The following NFATC2 variants were observed in gnomAD, a reference collection of about 807,000 sequenced individuals.
NFATC2 encodes the protein nuclear factor of activated T-cells, cytoplasmic 2.
A neutral mutation model predicts 87.3 loss-of-function variants in NFATC2; 22 were observed. That is an observed-to-expected ratio of 0.25 (90% CI 0.18 to 0.36). The LOEUF (loss-of-function observed/expected upper bound fraction) is 0.36. Among genes scored for constraint, NFATC2 ranks in the 10% least tolerant of loss-of-function variants. The probability of loss-of-function intolerance (pLI) is 1.00; values close to 1 mark genes in which losing one functional copy is unlikely to be tolerated. For synonymous variants in NFATC2, 565 were observed against 542.2 expected (o/e 1.04, Z -0.58); for missense variants, 1,149 against 1,259.1 (o/e 0.91, Z 1.32).
rs1193459272 is a variant in NFATC2, at chr20:51,523,529, C to A, written c.712G>T (p.Val238Leu). 1 of 1,613,496 alleles carries A rather than the reference C, an allele frequency of 6.2e-7. No homozygotes were observed. The highest frequency in any genetic ancestry group is 8.5e-7 in the Non-Finnish European group (1 of 1,179,704). Residue 238 changes from valine to leucine, a missense_variant, in exon 2 of 11, where the codon GTG (valine) becomes TTG (leucine). Val to Leu is a conservative substitution (Grantham distance 32). Around this residue, in one of 3 missense-constraint regions of NFATC2, gnomAD observed 563 missense variants for 585.2 expected, o/e 0.96. Transcript: ENST00000371564. This position sits in a 1 kb window ranked among gnomAD's most constrained non-coding sequence, Gnocchi z 6.9. ...EDSCLGRHSP[V>L]PRPASRSSSP... ...GAGGAGCGGGAGGCCGGACGGGGCA[C>A]GGGCGAGTGGCGGCCCAGGCAGCTG...
chr20:51,426,177 G>T (rs1025206657), intron 9 of NFATC2, among the ~76,000 whole-genome samples: 7 of 152,122 alleles, frequency 4.6e-5, no homozygotes, highest in African/African-American at 9.7e-5. Flanking sequence ...AGAAATCAAG[G>T]CAATTAAATT....
chr20:51,398,769 A>G, intron 9 of NFATC2, 39 bp from the exon 10 acceptor site: 1 of 1,405,596 alleles, frequency 7.1e-7, no homozygotes, highest in Non-Finnish European at 1.0e-6. Flanking sequence ...AGAAGAAAAA[A>G]AAAAATCACC....
chr20:51,440,159 C>T (rs1984119443), intron 6 of NFATC2, among the ~76,000 whole-genome samples: 1 of 143,982 alleles, frequency 6.9e-6, no homozygotes, highest in Non-Finnish European at 1.5e-5. Flanking sequence ...ATCTCTTGAA[C>T]CCAGAGATGG....
intron 8 of NFATC2, among the ~76,000 whole-genome samples, chr20:51,433,908 G>A (rs1983172639): frequency 1.3e-5 from 2 of 152,008 alleles, no homozygotes; most frequent in Non-Finnish European, 2.9e-5. Context: ...CTCACTCCCT[G>A]GCCCAACTGG....
At chr20:51,520,288 C>T (rs778901245) in intron 2 of NFATC2, among the ~76,000 whole-genome samples, 3 of 152,176 alleles carry the variant, frequency 2.0e-5, no homozygotes, top group South Asian at 2.1e-4. Context: ...GACCTGTCTA[C>T]GTAGCACAAA....
At chr20:51,530,933 G>C (rs76880593) in intron 1 of NFATC2, among the ~76,000 whole-genome samples, 8,634 of 152,272 alleles carry the variant, frequency 0.057, 276 homozygotes, top group Middle Eastern at 0.092. Context: ...GGTTCTTAGA[G>C]GCAGATAGGA....
intron 3 of NFATC2, among the ~76,000 whole-genome samples, chr20:51,477,489 A>C (rs1988811782): frequency 6.9e-6 from 1 of 145,148 alleles, no homozygotes; most frequent in Admixed American, 7.0e-5. Context: ...GAAATATTTA[A>C]AATATATATA....
intron 3 of NFATC2, among the ~76,000 whole-genome samples, 188 bp downstream of exon 3, chr20:51,516,596 T>C (rs1031453286): frequency 2.0e-5 from 3 of 152,226 alleles, no homozygotes; most frequent in Admixed American, 6.5e-5. Flanking sequence ...AAGAAGACTT[T>C]CTCTTCTGGC....
intron 9 of NFATC2, among the ~76,000 whole-genome samples, chr20:51,401,009 GCCTCAGTCT>G (rs1987976411): frequency 6.6e-6 from 1 of 152,156 alleles, no homozygotes; most frequent in Admixed American, 6.5e-5. Flanking sequence ...CAGTGCCTCT[GCCTCAGTCT>G]CCCCAGCCAC....
chr20:51,530,132 G>A (rs1475929184), intron 1 of NFATC2, among the ~76,000 whole-genome samples: 1 of 152,162 alleles, frequency 6.6e-6, no homozygotes, highest in Non-Finnish European at 1.5e-5. Flanking sequence ...CAATGGTACA[G>A]CAGTACCTCA....
chr20:51,405,617 C>T (rs1988486113), intron 9 of NFATC2, among the ~76,000 whole-genome samples: 3 of 152,200 alleles, frequency 2.0e-5, no homozygotes, highest in South Asian at 4.1e-4. Flanking sequence ...AAACCCGTGA[C>T]ATTTTAACAC....
intron 9 of NFATC2, among the ~76,000 whole-genome samples, chr20:51,415,087 C>CA (rs1301453870): frequency 6.6e-6 from 1 of 151,296 alleles, no homozygotes; most frequent in African/African-American, 2.4e-5. Context: ...CCCATCTCTA[C>CA]AAAAAATAAC....
chr20:51,527,786 A>G (rs993133507), intron 1 of NFATC2, among the ~76,000 whole-genome samples: 2 of 152,138 alleles, frequency 1.3e-5, no homozygotes, highest in African/African-American at 4.8e-5. Flanking sequence ...TGCCCTCGGA[A>G]CCAAGCAATG....
At chr20:51,547,783 C>T (rs561893908) in intron 1 of NFATC2, among the ~76,000 whole-genome samples, 1 of 152,174 alleles carries the variant, frequency 6.6e-6, no homozygotes, top group Non-Finnish European at 1.5e-5. Flanking sequence ...TTTTCTCATG[C>T]CCACGTGCAA....
At chr20:51,454,434 G>T in intron 6 of NFATC2, 114 bp downstream of exon 6, 1 of 1,079,158 alleles carries the variant, frequency 9.3e-7, no homozygotes, top group Non-Finnish European at 1.4e-6. Context: ...AAAGAGCAGG[G>T]TATAAAACTG....
intron 5 of NFATC2, among the ~76,000 whole-genome samples, chr20:51,473,142 A>C (rs1327215062): frequency 6.6e-6 from 1 of 152,186 alleles, no homozygotes; most frequent in African/African-American, 2.4e-5. Context: ...TCCAAATGGC[A>C]GATCCTGGTC....
At chr20:51,445,995 C>A (rs1018410046) in intron 6 of NFATC2, among the ~76,000 whole-genome samples, 1 of 152,206 alleles carries the variant, frequency 6.6e-6, no homozygotes. Flanking sequence ...TTTCAGACAG[C>A]CAGCTACTCT....
chr20:51,523,844 C>T lies in NFATC2; in HGVS notation c.397G>A (p.Ala133Thr), dbSNP rs780017338. Residue 133 changes from alanine (A) to threonine (T), a missense_variant, in exon 2 of 11, where the codon GCG (alanine) becomes ACG (threonine). This residue lies in a region of NFATC2 where 563 missense variants were observed against 585.2 expected (regional missense o/e 0.96). Coordinates refer to ENST00000371564, the MANE Select transcript of NFATC2 (RefSeq NM_012340.5). This position sits in a 1 kb window ranked among gnomAD's most constrained non-coding sequence, Gnocchi z 6.9. ...QAVGPLRMRD[A>T]GLLVEQPPLA... The stretch of plus-strand genomic sequence containing the variant: ...GGCGGCTGCTCCACCAGGAGGCCCG[C>T]GTCTCTCATGCGGAGGGGCCCCACT... 3.7e-6 allele frequency: 6 copies of T among 1,610,640 alleles called. No individual in the cohort carries two copies. The highest frequency in any genetic ancestry group is 2.2e-5 in the East Asian group (1 of 44,774).
intron 1 of NFATC2, among the ~76,000 whole-genome samples, chr20:51,527,967 G>A (rs915214934): frequency 6.6e-6 from 1 of 151,652 alleles, no homozygotes; most frequent in African/African-American, 2.4e-5. Flanking sequence ...AGCTGGGCAT[G>A]GTGGCACCTA....
Sources: allele counts gnomAD v4.1 joint callset (sites outside exome capture counted in the v4.1 genomes callset), GRCh38; gene constraint gnomAD v4.1.1; regional missense constraint gnomAD v4.1.1; non-coding constraint Gnocchi (gnomAD v3.1); transcripts MANE v1.5; gene names NCBI Gene and HGNC (gene_info 2026-07-23, HGNC 2026-07-21).